COMMD1: variants seen among roughly 807,000 people sequenced by gnomAD.
COMMD1 encodes the protein COMM domain-containing protein 1.
In COMMD1, 10 loss-of-function variants were observed where a neutral mutation model predicts 17.2. The observed-to-expected ratio is 0.58, with a 90% CI of 0.36 to 0.99. COMMD1 has a LOEUF of 0.99. Among genes scored for constraint, COMMD1 ranks in the 50% least tolerant of loss-of-function variants. The probability of loss-of-function intolerance (pLI) is 0.01; values close to 1 mark genes in which losing one functional copy is unlikely to be tolerated. For missense variants in COMMD1, 270 were observed against 231.8 expected, an observed-to-expected ratio of 1.17 and a Z score of -1.07; for synonymous variants, 97 against 91.6, an observed-to-expected ratio of 1.06 and a Z score of -0.34.
chr2:62,014,397 C>T (rs905375256), intron 2 of COMMD1, among the ~76,000 whole-genome samples: 10 of 151,830 alleles, frequency 6.6e-5, no homozygotes, highest in African/African-American at 2.4e-4. Flanking sequence ...TGTGTACTGG[C>T]TGGTTGGCTC....
upstream of COMMD1, among the ~76,000 whole-genome samples, chr2:61,902,497 C>T (rs554794581): frequency 6.7e-4 from 101 of 150,202 alleles, no homozygotes; most frequent in African/African-American, 2.4e-3. Context: ...GCGACAAGAG[C>T]GAAACTCCAC....
chr2:61,962,041 A>G (rs1671355419), intron 1 of COMMD1, among the ~76,000 whole-genome samples: 1 of 152,042 alleles, frequency 6.6e-6, no homozygotes, highest in African/African-American at 2.4e-5. Context: ...CAAATATTTA[A>G]TGCTTCTTTA....
chr2:62,135,936 A>G lies in COMMD1; in HGVS notation c.568A>G (p.Asn190Asp), dbSNP rs147438507. 2.4e-5 allele frequency: 37 copies of G among 1,533,626 alleles called. No individual in the cohort carries two copies. Among genetic ancestry groups the G allele is most frequent in the Non-Finnish European group, 3.3e-5 (36 of 1,106,558 alleles). ...TATCAGCACACTGATCAGCCAGCCT[A>G]ACTGAAGATGATGTATGAAGGAGTT... The part of the protein sequence containing the change: ...ESISTLISQP[N>D] The change falls in exon 3 of 3, where the codon AAC becomes GAC. Residue 190 changes from asparagine to aspartate, a missense_variant. Transcript: ENST00000311832.
chr2:61,905,843 G>A lies in COMMD1; in HGVS notation c.165G>A (p.Met55Ile). ...AGTTCCGCCCCTTTCTGGCAAAGAT[G>A]AGGGGGATTCTTAAGGTACTGCTCT... is the stretch of plus-strand genomic sequence containing the variant. ...PEEFRPFLAKMRGILKSIASA... is the reference protein window; with the variant it reads ...PEEFRPFLAKIRGILKSIASA... The change falls in exon 1 of 3, where the codon ATG becomes ATA. Residue 55 changes from methionine (M) to isoleucine (I), a missense_variant. Physicochemically the swap from Met to Ile is conservative, Grantham distance 10. Coordinates refer to ENST00000311832, the MANE Select transcript of COMMD1 (RefSeq NM_152516.4). The A allele has an allele frequency of 6.2e-7, 1 of 1,614,234 alleles. No homozygotes were observed. Among genetic ancestry groups the A allele is most frequent in the Non-Finnish European group, 8.5e-7 (1 of 1,180,038 alleles).
At chr2:62,124,174 C>T (rs1672827503) in intron 2 of COMMD1, among the ~76,000 whole-genome samples, 1 of 152,140 alleles carries the variant, frequency 6.6e-6, no homozygotes, top group African/African-American at 2.4e-5. Flanking sequence ...GCACACACAC[C>T]TGTAGTCCCA....
intron 1 of COMMD1, among the ~76,000 whole-genome samples, chr2:61,913,523 A>G (rs1669965771): frequency 6.6e-6 from 1 of 151,880 alleles, no homozygotes; most frequent in Non-Finnish European, 1.5e-5. Context: ...AGCTCTACTA[A>G]AAGTTGGCTC....
intron 2 of COMMD1, among the ~76,000 whole-genome samples, chr2:62,035,946 C>T (rs1215992421): frequency 6.6e-6 from 1 of 151,356 alleles, no homozygotes; most frequent in Non-Finnish European, 1.5e-5. Flanking sequence ...CCCAGCTACC[C>T]AGGAGGCTGA....
intron 1 of COMMD1, among the ~76,000 whole-genome samples, chr2:61,928,028 G>A (rs1306925839): frequency 6.6e-6 from 1 of 151,448 alleles, no homozygotes; most frequent in Non-Finnish European, 1.5e-5. Context: ...GCCTCCTGAA[G>A]TGCTTGGATT....
At chr2:62,059,067 C>T (rs761628463) in intron 2 of COMMD1, among the ~76,000 whole-genome samples, 6 of 152,260 alleles carry the variant, frequency 3.9e-5, no homozygotes, top group East Asian at 1.9e-4. Context: ...CGTGAGCCAC[C>T]GCACCTGGCC....
intron 1 of COMMD1, among the ~76,000 whole-genome samples, chr2:61,987,108 C>T (rs1156699162): frequency 6.6e-6 from 1 of 152,132 alleles, no homozygotes; most frequent in African/African-American, 2.4e-5. Flanking sequence ...TGAATTTCTT[C>T]AAGTTTTCCC....
chr2:61,979,748 T>A (rs1671906125), intron 1 of COMMD1, among the ~76,000 whole-genome samples: 1 of 88,324 alleles, frequency 1.1e-5, no homozygotes. Context: ...ATATAAGTCA[T>A]TTTTTTTTTT....
At chr2:61,907,198 T>C (rs1669794591) in intron 1 of COMMD1, among the ~76,000 whole-genome samples, 1 of 151,968 alleles carries the variant, frequency 6.6e-6, no homozygotes, top group Admixed American at 6.6e-5. Context: ...CTCCACCTCC[T>C]GGGGTTCGAG....
upstream of COMMD1, among the ~76,000 whole-genome samples, chr2:61,904,301 G>A (rs149757203): frequency 5.1e-4 from 78 of 152,270 alleles, no homozygotes; most frequent in Middle Eastern, 0.014. Flanking sequence ...GTGAGCCACC[G>A]TGCCCGGCAA....
intron 1 of COMMD1, among the ~76,000 whole-genome samples, chr2:61,921,753 T>C (rs914811748): frequency 6.6e-6 from 1 of 152,150 alleles, no homozygotes; most frequent in Non-Finnish European, 1.5e-5. Context: ...CAACCCAGTA[T>C]TATTTTGGGG....
chr2:61,899,057 T>TA (rs1669607295), intron 1 of COMMD1, among the ~76,000 whole-genome samples: 1 of 152,150 alleles, frequency 6.6e-6, no homozygotes, highest in Admixed American at 6.6e-5. Context: ...GAACGTGCTG[T>TA]AGGCTCAGGC....
At chr2:62,061,717 G>A (rs1215241068) in intron 2 of COMMD1, among the ~76,000 whole-genome samples, 1 of 151,558 alleles carries the variant, frequency 6.6e-6, no homozygotes, top group Non-Finnish European at 1.5e-5. Flanking sequence ...CACCATGCCC[G>A]GCTAATTTTT....
At chr2:61,914,377 A>G (rs1669996364) in intron 1 of COMMD1, among the ~76,000 whole-genome samples, 1 of 151,780 alleles carries the variant, frequency 6.6e-6, no homozygotes, top group Non-Finnish European at 1.5e-5. Context: ...TGTCTCTACT[A>G]AAAATACAAA....
chr2:61,924,054 G>A (rs1037226813), intron 1 of COMMD1, among the ~76,000 whole-genome samples: 8 of 152,194 alleles, frequency 5.3e-5, no homozygotes, highest in African/African-American at 1.4e-4. Flanking sequence ...TGGGATTACA[G>A]GTGTGAGCCA....
chr2:61,952,797 C>T lies in COMMD1; in HGVS notation c.180+46939C>T, dbSNP rs562251360. 1.1e-4 allele frequency among the ~76,000 whole-genome samples: 16 copies of T among 152,148 alleles called. No homozygotes were observed. In the East Asian group the frequency reaches 2.9e-3, roughly 28 times the overall value. On this transcript the variant is annotated intron_variant, in intron 1 of 2. Transcript: ENST00000311832. ...CAGTGGGCAGGAAGGACCCACTGGG[C>T]GATTATGTTTCTATGGATGTATGCT...
Sources: gnomAD v4.1 joint callset for allele counts (sites outside exome capture counted in the v4.1 genomes callset) on GRCh38, gnomAD v4.1.1 for gene constraint, MANE v1.5 for transcripts, NCBI Gene and HGNC (gene_info 2026-07-23, HGNC 2026-07-21) for gene names.